The following PTPRT variants were observed in gnomAD, a reference collection of about 807,000 sequenced individuals.
The protein encoded by PTPRT is receptor-type tyrosine-protein phosphatase T.
PTPRT carries 56 observed loss-of-function variants against 176.8 expected under a neutral mutation model. That is an observed-to-expected ratio of 0.32 (90% CI 0.26 to 0.40). PTPRT has a LOEUF of 0.40. Ranked by LOEUF, PTPRT falls within the 10% of genes least tolerant of loss-of-function variation. The pLI is 1.00. For synonymous variants in PTPRT, 783 were observed against 739.0 expected (o/e 1.06, Z -0.96); for missense variants, 1,540 against 1,908.2 (o/e 0.81, Z 3.60).
intron 1 of PTPRT, among the ~76,000 whole-genome samples, chr20:42,956,452 C>T (rs1052400008): frequency 7.1e-6 from 1 of 140,484 alleles, no homozygotes; most frequent in African/African-American, 3.0e-5. Flanking sequence ...CTACTCTAGC[C>T]GTGTGAGACA....
chr20:42,786,166 C>T (rs2077287518), intron 3 of PTPRT, among the ~76,000 whole-genome samples: 1 of 152,166 alleles, frequency 6.6e-6, no homozygotes, highest in Admixed American at 6.6e-5. Flanking sequence ...CCTCCCCAGC[C>T]ATGTGGAAGT....
chr20:42,877,426 C>G (rs1451928704), intron 2 of PTPRT, among the ~76,000 whole-genome samples: 1 of 152,148 alleles, frequency 6.6e-6, no homozygotes, highest in Non-Finnish European at 1.5e-5. Flanking sequence ...AGACTCAACA[C>G]AATGAGAGAT....
chr20:42,425,125 T>A (rs573733028), intron 9 of PTPRT, among the ~76,000 whole-genome samples: 18 of 152,212 alleles, frequency 1.2e-4, no homozygotes, highest in African/African-American at 3.6e-4. Flanking sequence ...CCAGTATGCA[T>A]CCACTCTCTG....
intron 1 of PTPRT, among the ~76,000 whole-genome samples, chr20:43,056,476 T>C (rs981067408): frequency 2.6e-5 from 4 of 152,230 alleles, no homozygotes; most frequent in African/African-American, 4.8e-5. Context: ...TTTAAGATCA[T>C]AGGAGATAGT....
At chr20:43,049,113 C>G (rs550227137) in intron 1 of PTPRT, among the ~76,000 whole-genome samples, 1 of 152,148 alleles carries the variant, frequency 6.6e-6, no homozygotes, top group East Asian at 1.9e-4. Flanking sequence ...ATCCCAGGAA[C>G]AGAAGAAAAG....
At chr20:42,304,201 G>A (rs966744415) in intron 12 of PTPRT, among the ~76,000 whole-genome samples, 6 of 152,024 alleles carry the variant, frequency 3.9e-5, no homozygotes, top group African/African-American at 1.2e-4. Flanking sequence ...GTCAGCTGCC[G>A]TCTCTGGAAA....
rs190593651 is a variant in PTPRT, at chr20:43,030,431, T to A, written c.89-144499A>T. On this transcript the variant is annotated intron_variant, in intron 1 of 30. Coordinates refer to ENST00000373187, the MANE Select transcript of PTPRT (RefSeq NM_007050.6). Reference sequence around the variant, plus strand: ...ATTGGGGCTAACTTTAAGAAAAAGATCAGGGGTTTGGTTGGCAAGGAAGAA... The same window carrying A: ...ATTGGGGCTAACTTTAAGAAAAAGAACAGGGGTTTGGTTGGCAAGGAAGAA... Among the ~76,000 whole-genome samples the A allele has an allele frequency of 3.3e-5, 5 of 150,994 alleles. No homozygotes were observed. In the East Asian group the frequency reaches 9.8e-4, roughly 30 times the overall value.
At chr20:42,692,280 G>A (rs541103902) in intron 6 of PTPRT, among the ~76,000 whole-genome samples, 2 of 152,242 alleles carry the variant, frequency 1.3e-5, no homozygotes, top group South Asian at 2.1e-4. Flanking sequence ...TCGTAAACAC[G>A]TAAACTAAAA....
chr20:42,912,683 C>T (rs1324419273), intron 1 of PTPRT, among the ~76,000 whole-genome samples: 3 of 152,190 alleles, frequency 2.0e-5, no homozygotes, highest in African/African-American at 4.8e-5. Flanking sequence ...TAAATATTGA[C>T]TTCCTCTAGA....
intron 6 of PTPRT, among the ~76,000 whole-genome samples, chr20:42,724,586 G>T (rs2076350378): frequency 6.6e-6 from 1 of 152,132 alleles, no homozygotes; most frequent in Non-Finnish European, 1.5e-5. Flanking sequence ...TTTGTCCCTG[G>T]CTGCCTCCTC....
rs570448906 is a variant in PTPRT at position 42,874,880 on chromosome 20, T to C, written c.214+10927A>G. Among the ~76,000 whole-genome samples the C allele has an allele frequency of 4.6e-5, 7 of 152,344 alleles. No individual in the cohort carries two copies. In the South Asian group the frequency reaches 1.5e-3, roughly 32 times the overall value. ...CATAGACTTTAGAACCTCTTTATTC[T>C]TTCTTTCTTTCTTCCTTTCTTTTTT... On this transcript the variant is annotated intron_variant, in intron 2 of 30. Coordinates refer to ENST00000373187, the MANE Select transcript of PTPRT (RefSeq NM_007050.6).
intron 1 of PTPRT, among the ~76,000 whole-genome samples, chr20:42,905,594 G>T (rs563903266): frequency 6.6e-6 from 1 of 152,274 alleles, no homozygotes; most frequent in South Asian, 2.1e-4. Flanking sequence ...TATAAATCAT[G>T]CTACTATAAA....
chr20:43,037,630 T>A (rs942517831), intron 1 of PTPRT, among the ~76,000 whole-genome samples: 3 of 152,158 alleles, frequency 2.0e-5, no homozygotes, highest in African/African-American at 7.2e-5. Context: ...ATTCTGAAAG[T>A]GAAAAAGTTC....
At chr20:42,877,440 C>T (rs1011875408) in intron 2 of PTPRT, among the ~76,000 whole-genome samples, 1 of 152,068 alleles carries the variant, frequency 6.6e-6, no homozygotes, top group African/African-American at 2.4e-5. Flanking sequence ...GAGAGATACC[C>T]CAAATCAAGA....
At chr20:42,249,323 G>C (rs900475881) in intron 13 of PTPRT, among the ~76,000 whole-genome samples, 1 of 152,080 alleles carries the variant, frequency 6.6e-6, no homozygotes, top group African/African-American at 2.4e-5. Context: ...ACAAATGGTA[G>C]GGCAAAAAGT....
intron 1 of PTPRT, among the ~76,000 whole-genome samples, chr20:43,061,291 C>T (rs1031751850): frequency 6.6e-6 from 1 of 152,172 alleles, no homozygotes; most frequent in Non-Finnish European, 1.5e-5. Context: ...TCTAAAAGTG[C>T]TTCCTTCTAT....
intron 15 of PTPRT, among the ~76,000 whole-genome samples, chr20:42,209,630 G>C (rs7269956): frequency 0.16 from 23,760 of 151,788 alleles, 2,200 homozygotes; most frequent in Non-Finnish European, 0.2. Flanking sequence ...ACCAATAACA[G>C]GATCTGAAAT....
chr20:42,171,624 C>A (rs1990083103), intron 16 of PTPRT, among the ~76,000 whole-genome samples: 1 of 151,978 alleles, frequency 6.6e-6, no homozygotes, highest in South Asian at 2.1e-4. Context: ...GTGTTTAAGG[C>A]ATCAACTACT....
At chr20:42,811,939 C>T (rs1448888486) in intron 2 of PTPRT, among the ~76,000 whole-genome samples, 2 of 152,148 alleles carry the variant, frequency 1.3e-5, no homozygotes, top group African/African-American at 4.8e-5. Flanking sequence ...TTACTCTTGA[C>T]AACCATGACT....
Sources: gnomAD v4.1 joint callset for allele counts (sites outside exome capture counted in the v4.1 genomes callset) on GRCh38, gnomAD v4.1.1 for gene constraint, MANE v1.5 for transcripts, NCBI Gene and HGNC (gene_info 2026-07-23, HGNC 2026-07-21) for gene names.